Variants in ERC2 observed in about 807,000 individuals in gnomAD.
ERC2 encodes ERC protein 2.
A neutral mutation model predicts 114.8 loss-of-function variants in ERC2; 42 were observed. The ratio of observed to expected loss-of-function variants is 0.37; its 90% CI spans 0.29 to 0.47. ERC2 has a LOEUF of 0.47. Ranked by LOEUF, ERC2 falls within the 20% of genes least tolerant of loss-of-function variation. The pLI is 0.99. For synonymous variants in ERC2, 454 were observed against 425.5 expected, an observed-to-expected ratio of 1.07 and a Z score of -0.82; for missense variants, 939 against 1,150.7, an observed-to-expected ratio of 0.82 and a Z score of 2.66.
chr3:56,259,065 C>T (rs2052727846), intron 3 of ERC2, among the ~76,000 whole-genome samples: 1 of 151,218 alleles, frequency 6.6e-6, no homozygotes. Context: ...ACTCCACCTA[C>T]CAGGTTCAAG....
At chr3:55,675,903 CTTTTTTTTTTTTTTT>C (rs869296098) in intron 17 of ERC2, among the ~76,000 whole-genome samples, 1,240 of 48,006 alleles carry the variant, frequency 0.026, 20 homozygotes, top group Admixed American at 0.049. Flanking sequence ...TCTTTTCTTT[CTTTTTTTTTTTTTTT>C]TTTTTTTTTT....
intron 15 of ERC2, among the ~76,000 whole-genome samples, chr3:55,707,270 C>T (rs2063541675): frequency 2.0e-5 from 3 of 151,988 alleles, no homozygotes; most frequent in Admixed American, 6.6e-5. Context: ...CCCACGTCTA[C>T]AAAAACAAAA....
chr3:56,346,049 G>T (rs1439867789), intron 2 of ERC2, among the ~76,000 whole-genome samples: 6 of 152,208 alleles, frequency 3.9e-5, no homozygotes, highest in Non-Finnish European at 7.3e-5. Flanking sequence ...CCCAGGAGAT[G>T]AATCCCTGGG....
intron 2 of ERC2, among the ~76,000 whole-genome samples, chr3:56,299,949 A>G (rs1437818649): frequency 6.6e-6 from 1 of 152,248 alleles, no homozygotes; most frequent in African/African-American, 2.4e-5. Context: ...TGCTTTGAAC[A>G]GAAACAGCAA....
Position 55,952,179 on chromosome 3 carries a change from A to ACACACACACT in ERC2, c.2268-1620_2268-1619insAGTGTGTGTG, listed in dbSNP as rs1390539850. On this transcript the variant is annotated intron_variant, in intron 12 of 17. Coordinates refer to ENST00000288221, the MANE Select transcript of ERC2 (RefSeq NM_015576.3). ...CACACACACACACACACACACACAC[A>ACACACACACT]CTCTCTCTCTCTCTCTCTCTATATA... Among the ~76,000 whole-genome samples the ACACACACACT allele has an allele frequency of 4.5e-4, 28 of 62,104 alleles. No homozygotes were observed. The South Asian group carries it at 4.7e-3, about 10-fold the overall frequency. 40.7% of individuals were successfully genotyped at this position (62,104 alleles called of 152,430 possible). A position where few individuals can be genotyped will look rare whatever the true frequency, so the allele number is the denominator to read the frequency against.
At chr3:56,392,876 G>A (rs2060178586) in intron 2 of ERC2, among the ~76,000 whole-genome samples, 1 of 152,112 alleles carries the variant, frequency 6.6e-6, no homozygotes, top group South Asian at 2.1e-4. Context: ...TCCACACTGG[G>A]TGCCACAGGC....
At chr3:55,712,615 G>T (rs1481882539) in intron 15 of ERC2, among the ~76,000 whole-genome samples, 2 of 152,188 alleles carry the variant, frequency 1.3e-5, no homozygotes, top group African/African-American at 4.8e-5. Context: ...CATCCTGGTG[G>T]ATGGTGGTCC....
chr3:55,515,953 T>C (rs2052469383), intron 17 of ERC2, among the ~76,000 whole-genome samples: 1 of 152,148 alleles, frequency 6.6e-6, no homozygotes, highest in Admixed American at 6.5e-5. Flanking sequence ...TTAATAACAG[T>C]AGTAAAACGC....
At chr3:55,977,703 A>C (rs1189629591) in intron 12 of ERC2, among the ~76,000 whole-genome samples, 1 of 152,248 alleles carries the variant, frequency 6.6e-6, no homozygotes, top group Non-Finnish European at 1.5e-5. Flanking sequence ...ATAGTACCCT[A>C]GCAATTCCAC....
intron 17 of ERC2, among the ~76,000 whole-genome samples, chr3:55,642,663 A>G (rs1575899049): frequency 6.6e-6 from 1 of 152,012 alleles, no homozygotes; most frequent in African/African-American, 2.4e-5. Flanking sequence ...TTTGTTTTCT[A>G]CACTGATTTG....
chr3:55,620,275 C>T (rs1449157013), intron 17 of ERC2, among the ~76,000 whole-genome samples: 5 of 152,104 alleles, frequency 3.3e-5, no homozygotes, highest in Non-Finnish European at 7.4e-5. Flanking sequence ...GATAATAATG[C>T]CATCCCCATA....
chr3:55,674,325 A>G (rs2061689400), intron 17 of ERC2, among the ~76,000 whole-genome samples: 1 of 152,216 alleles, frequency 6.6e-6, no homozygotes, highest in Non-Finnish European at 1.5e-5. Flanking sequence ...AAGATTATGC[A>G]AAGACAGAGA....
At chr3:55,530,049 A>T (rs536134648) in intron 17 of ERC2, among the ~76,000 whole-genome samples, 12 of 152,308 alleles carry the variant, frequency 7.9e-5, no homozygotes, top group African/African-American at 2.6e-4. Context: ...TTTGGAGATG[A>T]TGTCACTGGT....
intron 2 of ERC2, among the ~76,000 whole-genome samples, chr3:56,387,769 C>A (rs928726377): frequency 6.6e-6 from 1 of 152,114 alleles, no homozygotes; most frequent in African/African-American, 2.4e-5. Flanking sequence ...AGTGTCCTTG[C>A]AAGATGCGTA....
intron 15 of ERC2, among the ~76,000 whole-genome samples, chr3:55,705,332 C>T (rs815437): frequency 0.53 from 81,177 of 151,842 alleles, 22,787 homozygotes; most frequent in South Asian, 0.73. Flanking sequence ...AGTGGCCCTC[C>T]AATCACCTTG....
chr3:55,586,022 G>A (rs963659328), intron 17 of ERC2, among the ~76,000 whole-genome samples: 2 of 152,220 alleles, frequency 1.3e-5, no homozygotes, highest in South Asian at 2.1e-4. Flanking sequence ...AAAGGGCAGC[G>A]TTTGAGAGCA....
chr3:56,353,328 T>C (rs1043439619), intron 2 of ERC2, among the ~76,000 whole-genome samples: 2 of 152,048 alleles, frequency 1.3e-5, no homozygotes, highest in Non-Finnish European at 2.9e-5. Flanking sequence ...TCTGATCTCA[T>C]AGCACTTAAA....
intron 14 of ERC2, among the ~76,000 whole-genome samples, chr3:55,795,582 C>T (rs2070407896): frequency 6.6e-6 from 1 of 152,184 alleles, no homozygotes; most frequent in Admixed American, 6.5e-5. Flanking sequence ...TCCACCTCTC[C>T]ACCCGCTGCC....
chr3:55,553,231 A>T (rs1372597493), intron 17 of ERC2, among the ~76,000 whole-genome samples: 1 of 151,420 alleles, frequency 6.6e-6, no homozygotes, highest in Non-Finnish European at 1.5e-5. Flanking sequence ...CATATTGGCC[A>T]TGCTGGTCTT....
Sources: gnomAD v4.1 joint callset for allele counts (sites outside exome capture counted in the v4.1 genomes callset) on GRCh38, gnomAD v4.1.1 for gene constraint, MANE v1.5 for transcripts, NCBI Gene and HGNC (gene_info 2026-07-23, HGNC 2026-07-21) for gene names.